Variants in PLCH2 observed in about 807,000 individuals in gnomAD.
PLCH2 encodes 1-phosphatidylinositol 4,5-bisphosphate phosphodiesterase eta-2.
In PLCH2, 98 loss-of-function variants were observed where a neutral mutation model predicts 134.7. The observed-to-expected ratio is 0.73, with a 90% CI of 0.62 to 0.86. PLCH2 has a LOEUF of 0.86. Ranked by LOEUF, PLCH2 falls within the 40% of genes least tolerant of loss-of-function variation. The pLI is 0.00. For synonymous variants in PLCH2, 974 were observed against 827.5 expected, an observed-to-expected ratio of 1.18 and a Z score of -3.04; for missense variants, 1,994 against 1,986.6, an observed-to-expected ratio of 1.00 and a Z score of -0.07.
upstream of PLCH2, among the ~76,000 whole-genome samples, chr1:2,466,991 C>T (rs1307907581): frequency 6.6e-6 from 1 of 152,158 alleles, no homozygotes; most frequent in Non-Finnish European, 1.5e-5. Context: ...GAAATGTCAC[C>T]TCAATGACCC....
intron 2 of PLCH2, among the ~76,000 whole-genome samples, chr1:2,451,228 C>A (rs571329834): frequency 2.5e-4 from 38 of 152,180 alleles, no homozygotes; most frequent in Admixed American, 2.5e-3. Flanking sequence ...GGGCCCTCCC[C>A]CTCCCAGCCA....
At chr1:2,500,146 G>A (rs1643136705) in intron 20 of PLCH2, 3 of 202,504 alleles carry the variant, frequency 1.5e-5, no homozygotes, top group African/African-American at 4.7e-5. Flanking sequence ...GCAGCTGCCC[G>A]GGTTTGCCTG....
chr1:2,503,858 C>G (rs1570509167), intron 21 of PLCH2, 64 bp from the exon 22 acceptor site: 1 of 658,864 alleles, frequency 1.5e-6, no homozygotes, highest in African/African-American at 1.8e-5. Flanking sequence ...GCCTCTCTCC[C>G]TGCCTCCCTC....
At chr1:2,436,015 CCT>C (rs1334682830) in intron 2 of PLCH2, among the ~76,000 whole-genome samples, 34 of 117,386 alleles carry the variant, frequency 2.9e-4, no homozygotes, top group African/African-American at 1.1e-3. Context: ...CCGCTTCCCT[CCT>C]CTCTCCTCCC....
At chr1:2,476,973 G>GA (rs1641666166) in intron 1 of PLCH2, among the ~76,000 whole-genome samples, 2 of 152,200 alleles carry the variant, frequency 1.3e-5, no homozygotes, top group African/African-American at 4.8e-5. Flanking sequence ...CCAAGGGGGC[G>GA]AGGGGGGATC....
At chr1:2,473,254 G>A (rs1009811700), upstream of PLCH2, among the ~76,000 whole-genome samples, 8 of 152,314 alleles carry the variant, frequency 5.3e-5, no homozygotes, top group East Asian at 1.9e-4. Context: ...ACCCAAGGTC[G>A]GGGGGCAGGC....
the PLCH2 span, among the ~76,000 whole-genome samples, chr1:2,418,420 G>C: frequency 6.6e-6 from 1 of 152,220 alleles, no homozygotes; most frequent in Non-Finnish European, 1.5e-5. Context: ...CTCAGTGGAG[G>C]GGGCAGGGCT....
chr1:2,463,111 C>T (rs956477036), upstream of PLCH2, among the ~76,000 whole-genome samples: 6 of 152,204 alleles, frequency 3.9e-5, no homozygotes, highest in Admixed American at 1.3e-4. Context: ...CGCTTGGCAC[C>T]TCTGAGAGGT....
At chr1:2,426,505 T>C (rs1210300127) in intron 1 of PLCH2, among the ~76,000 whole-genome samples, 8 of 151,656 alleles carry the variant, frequency 5.3e-5, no homozygotes, top group Admixed American at 5.2e-4. Flanking sequence ...TCCCTCCGGG[T>C]CAGAGTGGCG....
Position 2,504,347 on chromosome 1 carries a change from C to T in PLCH2, c.3385C>T (p.Pro1129Ser). ...AVYSDATGSD[P>S]LWQRLEPCGH... is the part of the protein sequence containing the mutation. ...GTACTCCGATGCCACGGGCAGTGAC[C>T]CGCTGTGGCAGCGGCTGGAGCCATG... The change falls in exon 22 of 22, where the codon CCG becomes TCG. Residue 1129 changes from proline to serine, a missense_variant. Physicochemically the swap from Pro to Ser is moderately conservative, Grantham distance 74. Transcript: ENST00000378486. The T allele has an allele frequency of 1.2e-6, 2 of 1,611,292 alleles. No homozygotes were observed. The highest frequency in any genetic ancestry group is 1.7e-6 in the Non-Finnish European group (2 of 1,179,576).
At position 2,480,222 on chromosome 1, in the gene PLCH2, G is replaced by C; in HGVS notation, c.555G>C (p.Gly185=). 6.2e-7 allele frequency: 1 copy of C among 1,612,908 alleles called. No individual in the cohort carries two copies. Among genetic ancestry groups the C allele is most frequent in the African/African-American group, 1.3e-5 (1 of 75,064 alleles). The change falls in exon 4 of 22, where the codon GGG becomes GGC. Residue 185 remains glycine (G), a synonymous_variant. Transcript: ENST00000378486. ...CGTTTGACGAGGCCGACAAGAACGG[G>C]GATGGCAGCCTGAGCATTGGCGAGG... ...KQTFDEADKN[G]DGSLSIGEVL...
intron 2 of PLCH2, among the ~76,000 whole-genome samples, chr1:2,437,245 CT>C (rs1327095698): frequency 6.6e-6 from 1 of 152,188 alleles, no homozygotes; most frequent in Non-Finnish European, 1.5e-5. Context: ...ATTTCGGTGC[CT>C]TGGTGGGCTG....
intron 14 of PLCH2, 27 bp downstream of exon 14, chr1:2,496,731 C>T (rs769478290): frequency 8.7e-6 from 14 of 1,608,264 alleles, no homozygotes; most frequent in African/African-American, 4.0e-5. Flanking sequence ...CCTGGGGCCA[C>T]GGGCGGAGGC....
chr1:2,486,915 T>C lies in PLCH2; in HGVS notation c.825T>C (p.Gly275=), dbSNP rs1642316479. 3.1e-6 allele frequency: 5 copies of C among 1,604,304 alleles called. No individual in the cohort carries two copies. The East Asian group carries it at 1.1e-4, about 36-fold the overall frequency. The change falls in exon 6 of 22, where the codon GGT becomes GGC. Residue 275 remains glycine, a synonymous_variant. Coordinates refer to ENST00000378486, the MANE Select transcript of PLCH2 (RefSeq NM_014638.4). The stretch of plus-strand genomic sequence containing the variant: ...CCCCTGCTCTGGCCTAGATGGCGGG[T>C]GTGACCCTCGAGAGCTGCCAGGACA... ...RFLQVEQKMA[G]VTLESCQDII...
upstream of PLCH2, among the ~76,000 whole-genome samples, chr1:2,422,859 G>T (rs1219236942): frequency 6.6e-6 from 1 of 152,124 alleles, no homozygotes; most frequent in Admixed American, 6.5e-5. Context: ...TTCACTTTGA[G>T]TGGAAATTTA....
chr1:2,447,180 A>G lies in PLCH2; in HGVS notation c.115+16551A>G, dbSNP rs1639981370. Among the ~76,000 whole-genome samples, 4 of 152,180 alleles carry G rather than the reference A, an allele frequency of 2.6e-5. No individual in the cohort carries two copies. In the South Asian group the frequency reaches 8.3e-4, roughly 31 times the overall value. ...CAGACTCTGTGCGTGAGGCTCCAGG[A>G]GGAGCCAGGCTTGATGGCAGAAACG... On this transcript the variant is annotated intron_variant, in intron 2 of 3. Coordinates refer to the PLCH2 transcript ENST00000609981.
intron 2 of PLCH2, among the ~76,000 whole-genome samples, chr1:2,430,810 G>A (rs1570213285): frequency 6.6e-6 from 1 of 152,202 alleles, no homozygotes; most frequent in South Asian, 2.1e-4. Flanking sequence ...GGCAGGTGGG[G>A]CCGCCACGTG....
At chr1:2,474,853 C>G (rs958119726), upstream of PLCH2, among the ~76,000 whole-genome samples, 4 of 152,182 alleles carry the variant, frequency 2.6e-5, no homozygotes, top group African/African-American at 9.7e-5. Flanking sequence ...GCCGTCTGGT[C>G]TGTCTCCAGG....
exon 1 of PLCH2, chr1:2,467,553 C>G (rs999240821): frequency 1.5e-5 from 6 of 396,890 alleles, no homozygotes; most frequent in Non-Finnish European, 2.2e-5. Context: ...CAGGGGACGC[C>G]GGGGGCCAGC....
Sources: allele counts gnomAD v4.1 joint callset (sites outside exome capture counted in the v4.1 genomes callset), GRCh38; gene constraint gnomAD v4.1.1; transcripts MANE v1.5; gene names NCBI Gene and HGNC (gene_info 2026-07-23, HGNC 2026-07-21).